NUP155: variants seen among roughly 807,000 people sequenced by gnomAD.
NUP155 encodes nuclear pore complex protein Nup155.
Under a neutral mutation model 180.4 loss-of-function variants are expected in NUP155, and 71 were observed. That is an observed-to-expected ratio of 0.39 (90% CI 0.33 to 0.48). NUP155 has a LOEUF of 0.48. Among genes scored for constraint, NUP155 ranks in the 20% least tolerant of loss-of-function variants. The pLI, the probability that NUP155 is intolerant of heterozygous loss-of-function variation, is 0.91. For synonymous variants in NUP155, 582 were observed against 559.5 expected, an observed-to-expected ratio of 1.04 and a Z score of -0.57; for missense variants, 1,553 against 1,648.9, an observed-to-expected ratio of 0.94 and a Z score of 1.01.
intron 3 of NUP155, among the ~76,000 whole-genome samples, chr5:37,360,972 T>C (rs1747177919): frequency 6.6e-6 from 1 of 151,096 alleles, no homozygotes; most frequent in Admixed American, 6.6e-5. Context: ...TCAGAATATT[T>C]CAAGATAATG....
At chr5:37,320,055 C>T (rs531002469) in intron 20 of NUP155, among the ~76,000 whole-genome samples, 8 of 152,114 alleles carry the variant, frequency 5.3e-5, no homozygotes, top group African/African-American at 1.9e-4. Flanking sequence ...TGTGGCAGCA[C>T]ATGCCTGTAG....
chr5:37,354,336 C>T (rs1438921716), intron 4 of NUP155, among the ~76,000 whole-genome samples: 3 of 152,104 alleles, frequency 2.0e-5, no homozygotes, highest in East Asian at 1.9e-4. Context: ...AGTAGAGACA[C>T]GGTTTCACCA....
At chr5:37,299,198 T>C (rs1742738061) in intron 31 of NUP155, among the ~76,000 whole-genome samples, 1 of 152,208 alleles carries the variant, frequency 6.6e-6, no homozygotes, top group Non-Finnish European at 1.5e-5. Flanking sequence ...TCAGTATCTT[T>C]TATAAGGCAG....
chr5:37,346,823 T>G (rs1746122864), intron 9 of NUP155, among the ~76,000 whole-genome samples: 1 of 152,188 alleles, frequency 6.6e-6, no homozygotes, highest in Admixed American at 6.6e-5. Flanking sequence ...AATCATCCCT[T>G]AGTTTCAGTT....
intron 4 of NUP155, among the ~76,000 whole-genome samples, chr5:37,353,663 T>A (rs937811313): frequency 1.3e-5 from 2 of 152,102 alleles, no homozygotes; most frequent in African/African-American, 2.4e-5. Context: ...AGGACATAGG[T>A]TAAATAAAAT....
In NUP155 at chr5:37,347,919, G is replaced by A. The variant is rs190793565; in HGVS notation, c.995+586C>T. Among the ~76,000 whole-genome samples the A allele has an allele frequency of 6.1e-3, 922 of 151,922 alleles. 11 individuals carry two copies. Among genetic ancestry groups the A allele is most frequent in the African/African-American group, 0.021 (873 of 41,448 alleles). ...TGGGAGGTTGAGGCGGGCGGATCAC[G>A]AGGTCAAGAGATCGAGACCATCCTG... On this transcript the variant is annotated intron_variant, in intron 9 of 34. Transcript: ENST00000231498.
intron 17 of NUP155, 36 bp downstream of exon 17, chr5:37,328,321 CA>C (rs1744739418): frequency 6.8e-7 from 1 of 1,481,104 alleles, no homozygotes; most frequent in Admixed American, 1.7e-5. Flanking sequence ...GTTAGCACTT[CA>C]AAATGAATCC....
rs1045908 is a variant in NUP155 at position 37,294,371 on chromosome 5, T to A, written c.3888A>T (p.Leu1296Phe). The A allele has an allele frequency of 6.3e-7, 1 of 1,597,536 alleles. No individual in the cohort carries two copies. The highest frequency in any genetic ancestry group is 1.1e-5 in the South Asian group (1 of 90,632). The change falls in exon 33 of 35, where the codon TTA becomes TTT. Residue 1296 changes from leucine to phenylalanine, a missense_variant. Leu to Phe is a conservative substitution (Grantham distance 22). Coordinates refer to ENST00000231498, the MANE Select transcript of NUP155 (RefSeq NM_153485.3). ...GATCATAAACTTCTAGTAGTCTAGG[T>A]AATGGTACTCCAATTTCATTCATTG... ...IQTMNEIGVP[L>F]PRLLEVYDQL...
chr5:37,318,306 A>T (rs1338007527), intron 20 of NUP155, among the ~76,000 whole-genome samples: 2 of 152,180 alleles, frequency 1.3e-5, no homozygotes, highest in African/African-American at 4.8e-5. Context: ...GACTGAGAAC[A>T]TCAGCTATAA....
In NUP155 at chr5:37,288,442, TA is replaced by T. The variant is rs1742106324; in HGVS notation, c.*3457del. 1 of 152,104 alleles carries T rather than the reference TA, an allele frequency of 6.6e-6. No individual in the cohort carries two copies. Among genetic ancestry groups the T allele is most frequent in the Non-Finnish European group, 1.5e-5 (1 of 68,026 alleles). 9.4% of individuals were successfully genotyped at this position (152,104 alleles called of 1,614,324 possible). ...GTCAGTATCTCATAGCATAAACAGT[TA>T]GTCAAGATAGCTTTCTCTTTCCTAA... On this transcript the variant is annotated 3_prime_UTR_variant, in exon 35 of 35. Coordinates refer to ENST00000231498, the MANE Select transcript of NUP155 (RefSeq NM_153485.3).
At chr5:37,315,654 T>C (rs59324297) in intron 21 of NUP155, among the ~76,000 whole-genome samples, 20,155 of 152,172 alleles carry the variant, frequency 0.13, 1,397 homozygotes, top group African/African-American at 0.17. Context: ...TATAAAATGC[T>C]GTGGCTGGCC....
In NUP155 at chr5:37,293,792, G is replaced by A. The variant is rs1345317801; in HGVS notation, c.3930+537C>T. On this transcript the variant is annotated intron_variant, in intron 33 of 34. Transcript: ENST00000231498. ...AGGCGGGTGGATCATGAGGTCAGGA[G>A]ATCGAGACCATCCTGGCTAACAAGG... Among the ~76,000 whole-genome samples the A allele has an allele frequency of 5.1e-5, 4 of 78,732 alleles. 1 individual carries two copies. Among genetic ancestry groups the A allele is most frequent in the East Asian group, 2.5e-4 (1 of 3,984 alleles). The allele number at this position is 78,732 out of a possible 152,430, so 51.7% of individuals were successfully genotyped here.
chr5:37,334,620 A>T (rs1201558329), intron 12 of NUP155, among the ~76,000 whole-genome samples: 1 of 152,016 alleles, frequency 6.6e-6, no homozygotes, highest in Non-Finnish European at 1.5e-5. Flanking sequence ...ACCTCAGGTG[A>T]TCTGCCTGCC....
chr5:37,357,957 C>T (rs1374006998), intron 4 of NUP155, 124 bp downstream of exon 4: 2 of 700,478 alleles, frequency 2.9e-6, no homozygotes, highest in East Asian at 5.6e-5. Context: ...TGCGCCACTG[C>T]ACTCCAGCCT....
rs1008879084 is a variant in NUP155 at position 37,371,068 on chromosome 5, T to C, written c.-91A>G. The C allele has an allele frequency of 6.5e-5, 91 of 1,410,384 alleles. 2 individuals are homozygous for C. The South Asian group carries it at 9.5e-4, about 15-fold the overall frequency. The allele number at this position is 1,410,384 out of a possible 1,614,324, so 87.4% of individuals were successfully genotyped here. A position where few individuals can be genotyped will look rare whatever the true frequency, so the allele number is the denominator to read the frequency against. ...AAGAAGTTAGCTTAGATCCGCCGCC[T>C]AGGGCGCGCGCGCCAAACGAGCGCC... On this transcript the variant is annotated 5_prime_UTR_variant, in exon 1 of 35. Coordinates refer to ENST00000231498, the MANE Select transcript of NUP155 (RefSeq NM_153485.3).
At chr5:37,315,694 C>T (rs1313761900) in intron 21 of NUP155, among the ~76,000 whole-genome samples, 2 of 152,042 alleles carry the variant, frequency 1.3e-5, no homozygotes, top group East Asian at 1.9e-4. Flanking sequence ...TGTAATCCTA[C>T]CACTTTGGGA....
At chr5:37,338,049 G>A (rs897740940) in intron 11 of NUP155, 131 bp from the exon 12 acceptor site, 68 of 610,056 alleles carry the variant, frequency 1.1e-4, no homozygotes, top group Non-Finnish European at 1.7e-4. Context: ...GGCTGGGCAC[G>A]GTGGCTCATG....
Position 37,334,107 on chromosome 5 carries a change from GT to G in NUP155, c.1348-475del, listed in dbSNP as rs528866736. On this transcript the variant is annotated intron_variant, in intron 12 of 34. Transcript: ENST00000231498. ...TGAGCCACCACACCTGGCCTCTGGG[GT>G]TTTTTTTTTTTGAGACAGCATCTTA... is the stretch of plus-strand genomic sequence containing the variant. Among the ~76,000 whole-genome samples the G allele has an allele frequency of 3.9e-3, 561 of 142,742 alleles. 2 individuals carry two copies. Among genetic ancestry groups the G allele is most frequent in the Non-Finnish European group, 6.2e-3 (399 of 64,618 alleles). The allele number at this position is 142,742 out of a possible 152,430, so 93.6% of individuals were successfully genotyped here.
intron 33 of NUP155, 70 bp downstream of exon 33, chr5:37,294,259 C>T: frequency 9.4e-7 from 1 of 1,069,388 alleles, no homozygotes; most frequent in Non-Finnish European, 1.4e-6. Context: ...AATCAAAATA[C>T]CCCACTCTAT....
Sources: allele counts gnomAD v4.1 joint callset (sites outside exome capture counted in the v4.1 genomes callset), GRCh38; gene constraint gnomAD v4.1.1; transcripts MANE v1.5; gene names NCBI Gene and HGNC (gene_info 2026-07-23, HGNC 2026-07-21).